The following PARD3 variants were observed in gnomAD, a reference collection of about 807,000 sequenced individuals.
PARD3 encodes partitioning defective 3 homolog.
Under a neutral mutation model 155.4 loss-of-function variants are expected in PARD3, and 75 were observed. The observed-to-expected ratio is 0.48, with a 90% CI of 0.40 to 0.58. The LOEUF is 0.58. PARD3 is among the 20% of genes least tolerant of loss of function. The pLI, the probability that PARD3 is intolerant of heterozygous loss-of-function variation, is 0.00. For missense variants in PARD3, 1,642 were observed against 1,721.7 expected (o/e 0.95, Z 0.82); for synonymous variants, 576 against 610.5 (o/e 0.94, Z 0.83).
chr10:34,562,196 G>C (rs2085546859), intron 2 of PARD3, among the ~76,000 whole-genome samples: 1 of 149,860 alleles, frequency 6.7e-6, no homozygotes, highest in Non-Finnish European at 1.5e-5. Flanking sequence ...CGGCACTTTG[G>C]GAGGCTGAGG....
At chr10:34,527,218 C>T (rs1158484319) in intron 2 of PARD3, among the ~76,000 whole-genome samples, 1 of 152,192 alleles carries the variant, frequency 6.6e-6, no homozygotes, top group Non-Finnish European at 1.5e-5. Context: ...AGAGATGATG[C>T]AGCAGGGGTC....
At chr10:34,261,759 A>C (rs1244804282) in intron 22 of PARD3, among the ~76,000 whole-genome samples, 5 of 80,432 alleles carry the variant, frequency 6.2e-5, no homozygotes, top group Non-Finnish European at 8.1e-5. Context: ...GAAGGAAGAA[A>C]GGAAGGAAGG....
chr10:34,442,363 G>T (rs1005696766), intron 5 of PARD3, among the ~76,000 whole-genome samples: 2 of 152,182 alleles, frequency 1.3e-5, no homozygotes, highest in Non-Finnish European at 2.9e-5. Flanking sequence ...ACGGTTTAAT[G>T]CTGTGACCCC....
intron 22 of PARD3, among the ~76,000 whole-genome samples, chr10:34,258,591 G>A (rs1954782871): frequency 6.6e-6 from 1 of 152,092 alleles, no homozygotes; most frequent in African/African-American, 2.4e-5. Flanking sequence ...GAGAAATCTG[G>A]GGCTTATAAA....
intron 22 of PARD3, among the ~76,000 whole-genome samples, chr10:34,185,961 A>T (rs1241353272): frequency 2.0e-5 from 3 of 152,038 alleles, no homozygotes; most frequent in African/African-American, 4.8e-5. Context: ...GGGGTTACGT[A>T]TCACCTTCAT....
Position 34,815,016 on chromosome 10 carries a change from G to A in PARD3, c.-21C>T, listed in dbSNP as rs1174308913. ...TTCATGCCGCCGCCGCCGCGGGCGGGCCCGCGCCCCTCGCCGAGCGCAGCC... is the reference window on the plus strand; with the variant it reads ...TTCATGCCGCCGCCGCCGCGGGCGGACCCGCGCCCCTCGCCGAGCGCAGCC... On this transcript the variant is annotated 5_prime_UTR_variant, in exon 1 of 25. Transcript: ENST00000374788. 2.1e-6 allele frequency: 3 copies of A among 1,417,944 alleles called. No individual in the cohort carries two copies. The highest frequency in any genetic ancestry group is 2.8e-6 in the Non-Finnish European group (3 of 1,080,758). 87.8% of individuals were successfully genotyped at this position (1,417,944 alleles called of 1,614,324 possible). A position where few individuals can be genotyped will look rare whatever the true frequency, so the allele number is the denominator to read the frequency against.
rs140922781 is a variant in PARD3 at position 34,242,108 on chromosome 10, G to A, written c.3419+27549C>T. Among the ~76,000 whole-genome samples, 347 of 152,150 alleles carry A rather than the reference G, an allele frequency of 2.3e-3. 1 individual carries two copies. Among genetic ancestry groups the A allele is most frequent in the Admixed American group, 4.2e-3 (64 of 15,290 alleles). On this transcript the variant is annotated intron_variant, in intron 22 of 24. Transcript: ENST00000374788. ...CAAAGTTGCTATCATATACATCTTC[G>A]CATTTGAATTCACTCCTGGAGCTCA...
chr10:34,335,222 T>C (rs2134260306), intron 18 of PARD3, among the ~76,000 whole-genome samples: 1 of 152,096 alleles, frequency 6.6e-6, no homozygotes. Flanking sequence ...ATTTATTAGA[T>C]GTCGTTTTTA....
chr10:34,369,402 ATTC>A (rs1440707295), intron 12 of PARD3, among the ~76,000 whole-genome samples: 10 of 151,890 alleles, frequency 6.6e-5, no homozygotes, highest in African/African-American at 1.2e-4. Context: ...GCCCAAGACA[ATTC>A]TTCTTCCAGT....
chr10:34,391,307 T>C (rs920341988), intron 7 of PARD3, among the ~76,000 whole-genome samples: 5 of 152,042 alleles, frequency 3.3e-5, no homozygotes, highest in African/African-American at 1.2e-4. Context: ...GAGCCCAATA[T>C]ACAGAGAAAG....
At position 34,748,780 on chromosome 10, in the gene PARD3, G is replaced by A. The variant is rs572387030; in HGVS notation, c.121-52361C>T. ...TTGAGCACCCGCTCCCTGCTGCAGT[G>A]CAGGCACTGCAGCAGTAGAGGTGGG... On this transcript the variant is annotated intron_variant, in intron 1 of 24. Coordinates refer to ENST00000374788, the MANE Select transcript of PARD3 (RefSeq NM_001184785.2). Among the ~76,000 whole-genome samples the A allele has an allele frequency of 1.7e-4, 26 of 152,242 alleles. 1 individual carries two copies. The Middle Eastern group carries it at 0.017, about 100-fold the overall frequency.
At chr10:34,358,005 TAAAC>T (rs1273411492) in intron 14 of PARD3, among the ~76,000 whole-genome samples, 1 of 152,216 alleles carries the variant, frequency 6.6e-6, no homozygotes, top group East Asian at 1.9e-4. Flanking sequence ...GAAAAACTCT[TAAAC>T]AACTTAGGTA....
At chr10:34,369,773 T>C (rs1006262667) in intron 12 of PARD3, among the ~76,000 whole-genome samples, 2 of 152,130 alleles carry the variant, frequency 1.3e-5, no homozygotes, top group South Asian at 2.1e-4. Flanking sequence ...AAAGTGAGCA[T>C]TGGACTTGGA....
chr10:34,517,513 T>C (rs193028026), intron 2 of PARD3, among the ~76,000 whole-genome samples: 8 of 152,276 alleles, frequency 5.3e-5, no homozygotes, highest in African/African-American at 1.7e-4. Flanking sequence ...TGAGTATACA[T>C]ATATATCTGT....
At chr10:34,430,066 C>CA (rs1564704158) in intron 5 of PARD3, among the ~76,000 whole-genome samples, 1 of 152,176 alleles carries the variant, frequency 6.6e-6, no homozygotes, top group African/African-American at 2.4e-5. Context: ...GCAGCTTAGC[C>CA]ATAATGCTAG....
chr10:34,487,584 T>C (rs929678050), intron 3 of PARD3, among the ~76,000 whole-genome samples: 1 of 150,654 alleles, frequency 6.6e-6, no homozygotes, highest in Admixed American at 6.6e-5. Flanking sequence ...GACAAAGAAT[T>C]GCCGCTTCAA....
intron 4 of PARD3, among the ~76,000 whole-genome samples, chr10:34,458,649 A>G (rs970864650): frequency 6.6e-6 from 1 of 152,198 alleles, no homozygotes; most frequent in Admixed American, 6.5e-5. Flanking sequence ...GGTATAACTT[A>G]GATTATCTTC....
chr10:34,295,448 G>A (rs574720368), intron 20 of PARD3, among the ~76,000 whole-genome samples: 86 of 152,308 alleles, frequency 5.6e-4, no homozygotes, highest in Middle Eastern at 3.4e-3. Flanking sequence ...TGTCACGTCT[G>A]CACTGCCTGC....
At chr10:34,397,742 A>C (rs1441967563) in intron 7 of PARD3, among the ~76,000 whole-genome samples, 1 of 152,236 alleles carries the variant, frequency 6.6e-6, no homozygotes, top group African/African-American at 2.4e-5. Flanking sequence ...AAAATATAGT[A>C]ACATGTAATT....
Sources: gnomAD v4.1 joint callset for allele counts (sites outside exome capture counted in the v4.1 genomes callset) on GRCh38, gnomAD v4.1.1 for gene constraint, MANE v1.5 for transcripts, NCBI Gene and HGNC (gene_info 2026-07-23, HGNC 2026-07-21) for gene names.